Variants in FYCO1 observed in about 807,000 individuals in gnomAD.
FYCO1 encodes the protein FYVE and coiled-coil domain-containing protein 1.
In FYCO1, 122 loss-of-function variants were observed where a neutral mutation model predicts 165.1. The observed-to-expected ratio is 0.74, with a 90% CI of 0.64 to 0.86. The LOEUF (loss-of-function observed/expected upper bound fraction) is 0.86. FYCO1 is among the 40% of genes least tolerant of loss of function. The pLI is 0.00. For synonymous variants in FYCO1, 648 were observed against 742.5 expected, an observed-to-expected ratio of 0.87 and a Z score of 2.07; for missense variants, 1,702 against 1,810.3, an observed-to-expected ratio of 0.94 and a Z score of 1.09.
rs995020708 is a variant in FYCO1, at chr3:45,943,976, A to T, written c.3945-7433T>A. Among the ~76,000 whole-genome samples the T allele has an allele frequency of 4.6e-5, 7 of 152,170 alleles. No homozygotes were observed. The South Asian group carries it at 8.3e-4, about 18-fold the overall frequency. The stretch of plus-strand genomic sequence containing the variant: ...CTGTAGAAACTTTGAAAACTATTTT[A>T]AAAAAAGGAAGAAATAAGTCACCCA... On this transcript the variant is annotated intron_variant, in intron 14 of 17. Coordinates refer to ENST00000296137, the MANE Select transcript of FYCO1 (RefSeq NM_024513.4).
At chr3:45,933,337 G>A (rs1019787923) in intron 15 of FYCO1, among the ~76,000 whole-genome samples, 1 of 152,126 alleles carries the variant, frequency 6.6e-6, no homozygotes, top group African/African-American at 2.4e-5. Context: ...TCCTTAGCTT[G>A]CTGTCACTCT....
intron 17 of FYCO1, 72 bp downstream of exon 17, chr3:45,923,584 T>C (rs1367658478): frequency 3.2e-6 from 3 of 929,372 alleles, no homozygotes; most frequent in Non-Finnish European, 5.4e-6. Flanking sequence ...GTTTTGAGTG[T>C]CCACCTCTGC....
rs1342840195 is a variant in FYCO1, at chr3:45,968,215, G to T, written c.1119C>A (p.Ala373=). ...CCGTATCTGCCTTCTGCTGAGCCAT[G>T]GCTAGCCAGCCTGGGAAGCTGGCTA... is the stretch of plus-strand genomic sequence containing the variant. ...QHLASFPGWL[A]MAQQKADTAS... The change falls in exon 8 of 18, where the codon GCC becomes GCA. Residue 373 remains alanine (A), a synonymous_variant. Transcript: ENST00000296137. 4 of 1,613,882 alleles carry T rather than the reference G, an allele frequency of 2.5e-6. No individual in the cohort carries two copies. Among genetic ancestry groups the T allele is most frequent in the Non-Finnish European group, 3.4e-6 (4 of 1,180,044 alleles).
In FYCO1 at chr3:45,966,856, A is replaced by G. The variant is rs1343816420; in HGVS notation, c.2478T>C (p.Leu826=). 6.2e-7 allele frequency: 1 copy of G among 1,612,536 alleles called. No individual in the cohort carries two copies. Among genetic ancestry groups the G allele is most frequent in the Non-Finnish European group, 8.5e-7 (1 of 1,179,994 alleles). Reference sequence around the variant, plus strand: ...CATTCTGCTCCTTCAGCTGCTGCACAAGGGTTTTGTGCTCCCTCAGGACGG... The same window carrying G: ...CATTCTGCTCCTTCAGCTGCTGCACGAGGGTTTTGTGCTCCCTCAGGACGG... ...AEAVLREHKT[L]VQQLKEQNEA... The change falls in exon 8 of 18, where the codon CTT becomes CTC. Residue 826 remains leucine, a synonymous_variant. Transcript: ENST00000296137.
intron 14 of FYCO1, 49 bp from the exon 15 acceptor site, chr3:45,936,592 G>A (rs1228574253): frequency 1.5e-6 from 2 of 1,323,330 alleles, no homozygotes; most frequent in Non-Finnish European, 2.2e-6. Flanking sequence ...CAACACACAG[G>A]GTCTCACATC....
At chr3:45,942,457 C>G (rs1704285863) in intron 14 of FYCO1, among the ~76,000 whole-genome samples, 1 of 152,170 alleles carries the variant, frequency 6.6e-6, no homozygotes, top group Non-Finnish European at 1.5e-5. Flanking sequence ...GAAGGTTTGC[C>G]TAGCAGGTGG....
chr3:45,948,828 G>A (rs1260996505), intron 14 of FYCO1, among the ~76,000 whole-genome samples: 1 of 152,166 alleles, frequency 6.6e-6, no homozygotes, highest in East Asian at 1.9e-4. Context: ...AAGACCTTGG[G>A]CGAATCTCTT....
Position 45,964,501 on chromosome 3 carries a change from T to C in FYCO1, c.3151-47A>G, listed in dbSNP as rs529544515. ...AAGACACTCAGCTTGCAGAAGGCCATGCAACGTACCATAAAGTGGCTGGTG... is the reference window on the plus strand; with the variant it reads ...AAGACACTCAGCTTGCAGAAGGCCACGCAACGTACCATAAAGTGGCTGGTG... On this transcript the variant is annotated intron_variant, in intron 9 of 17. Transcript: ENST00000296137. The surrounding 1 kb of genome is among the most constrained non-coding windows in gnomAD (Gnocchi z 4.1). 3 of 1,611,244 alleles carry C rather than the reference T, an allele frequency of 1.9e-6. No individual in the cohort carries two copies. Among genetic ancestry groups the C allele is most frequent in the Non-Finnish European group, 1.7e-6 (2 of 1,178,858 alleles).
At chr3:45,938,046 A>G in intron 14 of FYCO1, 1 of 399,322 alleles carries the variant, frequency 2.5e-6, no homozygotes. Flanking sequence ...AGATAAAGAA[A>G]TAACACAGAA....
At chr3:45,994,940 AC>A (rs1559471987) in intron 1 of FYCO1, among the ~76,000 whole-genome samples, 3 of 152,172 alleles carry the variant, frequency 2.0e-5, no homozygotes, top group African/African-American at 7.2e-5. Flanking sequence ...GTGAAGAGTG[AC>A]AGGGACATCA....
chr3:45,960,317 C>T (rs566706788), intron 11 of FYCO1, among the ~76,000 whole-genome samples: 2 of 152,348 alleles, frequency 1.3e-5, no homozygotes, highest in South Asian at 2.1e-4. Flanking sequence ...GGTAATGTGA[C>T]ACCCGAGCCA....
chr3:45,942,300 C>G (rs536426200), intron 14 of FYCO1, among the ~76,000 whole-genome samples: 2 of 152,190 alleles, frequency 1.3e-5, no homozygotes, highest in African/African-American at 4.8e-5. Context: ...CCTATCTGTA[C>G]GTGACTAGGA....
chr3:45,934,241 G>A lies in FYCO1; in HGVS notation c.4040+2207C>T, dbSNP rs76645223. 8.3e-3 allele frequency among the ~76,000 whole-genome samples: 1,266 copies of A among 152,278 alleles called. 7 individuals are homozygous for A. The highest frequency in any genetic ancestry group is 0.026 in the African/African-American group (1,092 of 41,552). The stretch of plus-strand genomic sequence containing the variant: ...TGAAAAAATGTTCAAAGAAATGATG[G>A]TTATAAACTTCCCAAATATGATGAC... On this transcript the variant is annotated intron_variant, in intron 15 of 17. Transcript: ENST00000296137.
chr3:45,985,138 C>T, intron 1 of FYCO1, 116 bp from the exon 2 acceptor site: 1 of 634,748 alleles, frequency 1.6e-6, no homozygotes. Context: ...ATTCCCTCAA[C>T]AGGAGGGCTT....
chr3:45,922,182 G>A (rs1703118760), intron 17 of FYCO1, among the ~76,000 whole-genome samples: 1 of 152,250 alleles, frequency 6.6e-6, no homozygotes, highest in South Asian at 2.1e-4. Flanking sequence ...ATGGGAGGAG[G>A]CATATGGTGG....
In FYCO1 at chr3:45,936,457, C is replaced by G. The variant is rs778851398; in HGVS notation, c.4031G>C (p.Gly1344Ala). 1 of 1,613,170 alleles carries G rather than the reference C, an allele frequency of 6.2e-7. No homozygotes were observed. Residue 1344 changes from glycine to alanine, a missense_variant, in exon 15 of 18, where the codon GGA (glycine) becomes GCA (alanine). Gly to Ala is a moderately conservative substitution (Grantham distance 60). Transcript: ENST00000296137. Reference protein sequence around the residue: ...QDSEICLLKSGELMIKVPLTV... With the variant: ...QDSEICLLKSAELMIKVPLTV... ...AGCAGTTGCCACTTACATCAGTTCT[C>G]CAGACTTCAGCAGGCAGATTTCCGA...
chr3:45,964,462 A>G lies in FYCO1; in HGVS notation c.3151-8T>C, dbSNP rs369364455. ...CATGTCTGCTTGGGTGGCCTGGCAC[A>G]GGACGTCAGGGAGAAGACACTCAGC... On this transcript the variant is annotated splice_region_variant and splice_polypyrimidine_tract_variant and intron_variant, in intron 9 of 17. Transcript: ENST00000296137. This position sits in a 1 kb window ranked among gnomAD's most constrained non-coding sequence, Gnocchi z 4.1. 8.7e-6 allele frequency: 14 copies of G among 1,613,648 alleles called. No homozygotes were observed. The highest frequency in any genetic ancestry group is 1.1e-5 in the Non-Finnish European group (13 of 1,179,748).
At chr3:45,946,874 G>C (rs765682408) in intron 14 of FYCO1, 1 of 1,614,218 alleles carries the variant, frequency 6.2e-7, no homozygotes, top group Admixed American at 1.7e-5. Context: ...TCATTGTAGT[G>C]GTTAAGGCCA....
In FYCO1 at chr3:45,966,909, C is replaced by A; in HGVS notation, c.2425G>T (p.Val809Leu). ...MRAALDDQDKVQSQLSMAEAV... is the reference protein window; with the variant it reads ...MRAALDDQDKLQSQLSMAEAV... ...TCAGCCATGCTTAGCTGGCTCTGCA[C>A]CTTGTCCTGGTCATCCAGGGCTGCC... Residue 809 changes from valine to leucine, a missense_variant, in exon 8 of 18, where the codon GTG becomes TTG. By Grantham distance (32) the Val-to-Leu change is conservative. Transcript: ENST00000296137. 1 of 1,613,734 alleles carries A rather than the reference C, an allele frequency of 6.2e-7. No homozygotes were observed. The highest frequency in any genetic ancestry group is 8.5e-7 in the Non-Finnish European group (1 of 1,180,042).
Sources: allele counts gnomAD v4.1 joint callset (sites outside exome capture counted in the v4.1 genomes callset), GRCh38; gene constraint gnomAD v4.1.1; non-coding constraint Gnocchi (gnomAD v3.1); transcripts MANE v1.5; gene names NCBI Gene and HGNC (gene_info 2026-07-23, HGNC 2026-07-21).